GALNT18: variants seen among roughly 807,000 people sequenced by gnomAD.
The protein encoded by GALNT18 is polypeptide N-acetylgalactosaminyltransferase 18, also known as GalNAc-transferase 18.
A neutral mutation model predicts 69.5 loss-of-function variants in GALNT18; 44 were observed. The ratio of observed to expected loss-of-function variants is 0.63; its 90% CI spans 0.50 to 0.81. The LOEUF (loss-of-function observed/expected upper bound fraction) is 0.81. Ranked by LOEUF, GALNT18 falls within the 40% of genes least tolerant of loss-of-function variation. The probability of loss-of-function intolerance (pLI) is 0.00; values close to 1 mark genes in which losing one functional copy is unlikely to be tolerated. For missense variants in GALNT18, 715 were observed against 810.0 expected (o/e 0.88, Z 1.42); for synonymous variants, 364 against 318.2 (o/e 1.14, Z -1.53).
At chr11:11,443,293 A>T (rs1207286952) in intron 2 of GALNT18, among the ~76,000 whole-genome samples, 3 of 151,986 alleles carry the variant, frequency 2.0e-5, no homozygotes, top group Non-Finnish European at 4.4e-5. Context: ...CTCCCAAAAG[A>T]TGTCCCCTCC....
At chr11:11,373,561 C>G (rs942054151) in intron 5 of GALNT18, among the ~76,000 whole-genome samples, 3 of 152,134 alleles carry the variant, frequency 2.0e-5, no homozygotes, top group Non-Finnish European at 4.4e-5. Flanking sequence ...GAGGAGATAG[C>G]CAACAGGCAG....
rs1860049094 is a variant in GALNT18 at position 11,616,326 on chromosome 11, G to T, written c.235+5033C>A. 6.6e-6 allele frequency among the ~76,000 whole-genome samples: 1 copy of T among 152,114 alleles called. No homozygotes were observed. Among genetic ancestry groups the T allele is most frequent in the Admixed American group, 6.5e-5 (1 of 15,274 alleles). On this transcript the variant is annotated intron_variant, in intron 1 of 10. Transcript: ENST00000227756. The surrounding 1 kb of genome is among the most constrained non-coding windows in gnomAD (Gnocchi z 4.4). ...AATGATAACACCCAATGCTGGCCAG[G>T]CTCCATGACTTTGGTACAATAAGAC...
Position 11,458,397 on chromosome 11 carries a change from T to C in GALNT18, c.236-9461A>G, listed in dbSNP as rs577465044. Reference sequence around the variant, plus strand: ...CCATTTTAAATGTACAATTCAATGATTTTTTTAAAAAAACTTTTCTTCCAC... The same window carrying C: ...CCATTTTAAATGTACAATTCAATGACTTTTTTAAAAAAACTTTTCTTCCAC... On this transcript the variant is annotated intron_variant, in intron 1 of 10. Coordinates refer to ENST00000227756, the MANE Select transcript of GALNT18 (RefSeq NM_198516.3). 2.4e-3 allele frequency among the ~76,000 whole-genome samples: 359 copies of C among 152,348 alleles called. 2 individuals carry two copies. Among genetic ancestry groups the C allele is most frequent in the African/African-American group, 8.4e-3 (349 of 41,584 alleles).
chr11:11,371,428 G>A (rs530257916), intron 6 of GALNT18, among the ~76,000 whole-genome samples: 49 of 152,302 alleles, frequency 3.2e-4, no homozygotes, highest in African/African-American at 1.1e-3. Context: ...AGACACTAAG[G>A]CCAAAGATGC....
Position 11,601,503 on chromosome 11 carries a change from C to T in GALNT18, c.235+19856G>A, listed in dbSNP as rs1431788090. 2.0e-5 allele frequency among the ~76,000 whole-genome samples: 3 copies of T among 152,212 alleles called. No homozygotes were observed. Among genetic ancestry groups the T allele is most frequent in the East Asian group, 1.9e-4 (1 of 5,196 alleles). On this transcript the variant is annotated intron_variant, in intron 1 of 10. Coordinates refer to ENST00000227756, the MANE Select transcript of GALNT18 (RefSeq NM_198516.3). The surrounding 1 kb of genome is among the most constrained non-coding windows in gnomAD (Gnocchi z 4.0). ...CTGTTACATTTCTGGCTGGACTGCC[C>T]GATTGGTTTCACCTCCAGCTGTTAG...
At chr11:11,281,635 G>C (rs1219757323) in intron 10 of GALNT18, among the ~76,000 whole-genome samples, 1 of 152,174 alleles carries the variant, frequency 6.6e-6, no homozygotes, top group East Asian at 1.9e-4. Context: ...CCAAGGTCTA[G>C]AGAGGAAGGC....
At position 11,541,265 on chromosome 11, in the gene GALNT18, C is replaced by A. The variant is rs190288737; in HGVS notation, c.235+80094G>T. Among the ~76,000 whole-genome samples, 46 of 152,220 alleles carry A rather than the reference C, an allele frequency of 3.0e-4. No individual in the cohort carries two copies. Among genetic ancestry groups the A allele is most frequent in the East Asian group, 7.7e-4 (4 of 5,172 alleles). On this transcript the variant is annotated intron_variant, in intron 1 of 10. Coordinates refer to ENST00000227756, the MANE Select transcript of GALNT18 (RefSeq NM_198516.3). The surrounding 1 kb of genome is among the most constrained non-coding windows in gnomAD (Gnocchi z 4.8). Reference sequence around the variant, plus strand: ...CCTGTGTTTTTGTGAACACTTTAGACCCAAAATCATCCAAACTCCTCCACC... The same window carrying A: ...CCTGTGTTTTTGTGAACACTTTAGAACCAAAATCATCCAAACTCCTCCACC...
In GALNT18 at chr11:11,604,323, C is replaced by T. The variant is rs961761645; in HGVS notation, c.235+17036G>A. On this transcript the variant is annotated intron_variant, in intron 1 of 10. Transcript: ENST00000227756. The surrounding 1 kb of genome is among the most constrained non-coding windows in gnomAD (Gnocchi z 5.6). ...TTGTGCATGGTCTCCATCAGTGGCA[C>T]TGTGCTGACCACGCCATCCACACAG... Among the ~76,000 whole-genome samples the T allele has an allele frequency of 1.3e-5, 2 of 152,026 alleles. No homozygotes were observed. The highest frequency in any genetic ancestry group is 2.9e-5 in the Non-Finnish European group (2 of 67,992).
rs926788062 is a variant in GALNT18, at chr11:11,309,470, G to A, written c.1513-16277C>T. On this transcript the variant is annotated intron_variant, in intron 9 of 10. Transcript: ENST00000227756. This position sits in a 1 kb window ranked among gnomAD's most constrained non-coding sequence, Gnocchi z 4.6. The stretch of plus-strand genomic sequence containing the variant: ...CCTGACCTCTCCCTAGAAATGCTGC[G>A]CCCAATTTTTAATAATGGCACTCTT... Among the ~76,000 whole-genome samples, 18 of 151,314 alleles carry A rather than the reference G, an allele frequency of 1.2e-4. No individual in the cohort carries two copies. The highest frequency in any genetic ancestry group is 3.9e-4 in the East Asian group (2 of 5,156).
chr11:11,366,780 C>T (rs1850780213), intron 6 of GALNT18, among the ~76,000 whole-genome samples: 1 of 152,012 alleles, frequency 6.6e-6, no homozygotes, highest in African/African-American at 2.4e-5. Context: ...CTATTGTGTC[C>T]ACACCTTCTT....
intron 1 of GALNT18, among the ~76,000 whole-genome samples, chr11:11,492,161 C>T (rs2133886639): frequency 6.6e-6 from 1 of 152,316 alleles, no homozygotes; most frequent in South Asian, 2.1e-4. Context: ...GTTTAAGTCA[C>T]CCAGGCATCC....
rs565154964 is a variant in GALNT18 at position 11,553,515 on chromosome 11, G to T, written c.235+67844C>A. Reference sequence around the variant, plus strand: ...GCCTGCCTCTCCCAGAGTTCCACAGGCCAGAAGGAATCCAAGATCTGGGTC... The same window carrying T: ...GCCTGCCTCTCCCAGAGTTCCACAGTCCAGAAGGAATCCAAGATCTGGGTC... On this transcript the variant is annotated intron_variant, in intron 1 of 10. Coordinates refer to ENST00000227756, the MANE Select transcript of GALNT18 (RefSeq NM_198516.3). Among the ~76,000 whole-genome samples the T allele has an allele frequency of 2.6e-5, 4 of 152,250 alleles. No individual in the cohort carries two copies. The East Asian group carries it at 7.7e-4, about 29-fold the overall frequency.
intron 1 of GALNT18, among the ~76,000 whole-genome samples, chr11:11,455,364 G>C (rs1855902756): frequency 6.6e-6 from 1 of 152,158 alleles, no homozygotes; most frequent in South Asian, 2.1e-4. Flanking sequence ...GTAGGTGAGG[G>C]GAAATGGGGC....
At chr11:11,531,914 A>G (rs1857658536) in intron 1 of GALNT18, among the ~76,000 whole-genome samples, 1 of 152,178 alleles carries the variant, frequency 6.6e-6, no homozygotes, top group African/African-American at 2.4e-5. Flanking sequence ...TGTTTTATGT[A>G]TGGATGCACG....
intron 1 of GALNT18, among the ~76,000 whole-genome samples, chr11:11,559,857 A>AAG (rs1302941147): frequency 3.0e-5 from 2 of 67,198 alleles, no homozygotes; most frequent in East Asian, 4.5e-4. Context: ...GTGAAATAGA[A>AAG]TGATATGATG....
At chr11:11,545,858 G>A (rs997097927) in intron 1 of GALNT18, among the ~76,000 whole-genome samples, 1 of 152,174 alleles carries the variant, frequency 6.6e-6, no homozygotes, top group Non-Finnish European at 1.5e-5. Context: ...CTGGATCCCA[G>A]GGGGGATGTG....
chr11:11,565,994 G>T (rs897160005), intron 1 of GALNT18, among the ~76,000 whole-genome samples: 2 of 152,158 alleles, frequency 1.3e-5, no homozygotes, highest in Non-Finnish European at 2.9e-5. Flanking sequence ...CATAGAGCTG[G>T]GACCTTACAG....
At position 11,332,655 on chromosome 11, in the gene GALNT18, C is replaced by T. The variant is rs767254442; in HGVS notation, c.1416+39G>A. On this transcript the variant is annotated intron_variant, in intron 8 of 10. Coordinates refer to ENST00000227756, the MANE Select transcript of GALNT18 (RefSeq NM_198516.3). The surrounding 1 kb of genome is among the most constrained non-coding windows in gnomAD (Gnocchi z 4.3). The stretch of plus-strand genomic sequence containing the variant: ...CTTTCTTCACTATGTTTCTTTCTGT[C>T]TGTGTCTGAATGAAACCCGGAGGAG... The T allele has an allele frequency of 5.0e-6, 8 of 1,609,176 alleles. No homozygotes were observed. The highest frequency in any genetic ancestry group is 6.8e-6 in the Non-Finnish European group (8 of 1,175,942).
intron 9 of GALNT18, among the ~76,000 whole-genome samples, chr11:11,299,412 C>T (rs920916733): frequency 4.6e-5 from 7 of 152,216 alleles, no homozygotes; most frequent in African/African-American, 1.7e-4. Context: ...TCTGAAAGTG[C>T]TGGGATTACA....
Sources: allele counts gnomAD v4.1 joint callset (sites outside exome capture counted in the v4.1 genomes callset), GRCh38; gene constraint gnomAD v4.1.1; non-coding constraint Gnocchi (gnomAD v3.1); transcripts MANE v1.5; gene names NCBI Gene and HGNC (gene_info 2026-07-23, HGNC 2026-07-21).